Variants in ZNF69 observed in about 807,000 individuals in gnomAD.
ZNF69 encodes ZNF3.
Under a neutral mutation model 50.9 loss-of-function variants are expected in ZNF69, and 47 were observed. That is an observed-to-expected ratio of 0.92 (90% CI 0.73 to 1.18). The LOEUF is 1.18. Among genes scored for constraint, ZNF69 ranks in the 50% most tolerant of loss-of-function variants. The pLI is 0.00. For synonymous variants in ZNF69, 216 were observed against 223.1 expected (o/e 0.97, Z 0.29); for missense variants, 717 against 675.1 (o/e 1.06, Z -0.69).
At chr19:11,979,678 G>C in the ZNF69 span, 1 of 1,572,004 alleles carries the variant, frequency 6.4e-7, no homozygotes, top group Non-Finnish European at 8.7e-7. Context: ...TCCTTCAAAT[G>C]CATGCTGGGA....
At chr19:11,977,426 C>T in the ZNF69 span, 2 of 1,613,790 alleles carry the variant, frequency 1.2e-6, no homozygotes, top group Admixed American at 1.7e-5. Context: ...CCAGGAGAAA[C>T]TTCAGGTAAT....
chr19:11,974,126 T>TTTCTTTCCTTTC, the ZNF69 span, among the ~76,000 whole-genome samples: 1 of 55,028 alleles, frequency 1.8e-5, no homozygotes, highest in Non-Finnish European at 4.1e-5. Context: ...TCTTTCTTTC[T>TTTCTTTCCTTTC]TTTCTTTCTT....
intron 1 of ZNF69, among the ~76,000 whole-genome samples, chr19:11,889,829 G>T (rs1204421006): frequency 6.6e-6 from 1 of 152,200 alleles, no homozygotes. Flanking sequence ...GGCGAGGGGA[G>T]TGTGGCAGGA....
the ZNF69 span, chr19:11,978,477 T>A: frequency 6.2e-7 from 1 of 1,614,186 alleles, no homozygotes; most frequent in Non-Finnish European, 8.5e-7. Flanking sequence ...TATTTCCCAT[T>A]CAGGCATTCG....
At chr19:11,952,956 C>T in the ZNF69 span, 1,916 of 152,308 alleles carry the variant, frequency 0.013, 22 homozygotes, top group South Asian at 0.024. Context: ...TGCCTGTAAT[C>T]GCAGCTACTC....
the ZNF69 span, among the ~76,000 whole-genome samples, chr19:11,975,194 G>A: frequency 2.0e-5 from 3 of 151,728 alleles, no homozygotes; most frequent in Non-Finnish European, 4.4e-5. Flanking sequence ...CGCCTCCCGG[G>A]TTCAAGCGAT....
chr19:11,965,130 T>G, the ZNF69 span: 1 of 1,602,802 alleles, frequency 6.2e-7, no homozygotes. Flanking sequence ...CAGGTTTCTA[T>G]CGCTCTGTCT....
the ZNF69 span, among the ~76,000 whole-genome samples, chr19:11,961,273 G>A: frequency 6.6e-6 from 1 of 152,168 alleles, no homozygotes; most frequent in African/African-American, 2.4e-5. Context: ...TGAGGACAAA[G>A]CAAGAAGGCA....
the ZNF69 span, among the ~76,000 whole-genome samples, chr19:11,966,101 C>G: frequency 6.6e-5 from 10 of 152,166 alleles, no homozygotes; most frequent in African/African-American, 2.4e-4. Flanking sequence ...TTATGAATTC[C>G]AAGGCATGAC....
the ZNF69 span, chr19:11,950,511 T>TA: frequency 1.7e-6 from 1 of 582,440 alleles, no homozygotes; most frequent in Non-Finnish European, 3.2e-6. Context: ...TGAAAGGACT[T>TA]ACACTGGAGT....
the ZNF69 span, chr19:11,953,367 G>A: frequency 6.6e-6 from 1 of 152,276 alleles, no homozygotes; most frequent in Non-Finnish European, 1.5e-5. Context: ...AGCCCAAGGA[G>A]CAACCCAAAG....
At chr19:11,890,370 C>A (rs1234978108) in intron 1 of ZNF69, among the ~76,000 whole-genome samples, 1 of 152,202 alleles carries the variant, frequency 6.6e-6, no homozygotes, top group Non-Finnish European at 1.5e-5. Flanking sequence ...TGACTTTTAC[C>A]AAGCATACTG....
chr19:11,944,041 T>C, the ZNF69 span, among the ~76,000 whole-genome samples: 1,246 of 152,268 alleles, frequency 8.2e-3, 14 homozygotes, highest in African/African-American at 0.029. Flanking sequence ...TGTGGTCCCT[T>C]CCACCATGGG....
intron 4 of ZNF69, among the ~76,000 whole-genome samples, chr19:11,912,929 C>T (rs279227): frequency 0.27 from 40,692 of 152,122 alleles, 5,902 homozygotes; most frequent in African/African-American, 0.33. Context: ...AGGCCGGGTG[C>T]GGTGGCTTAT....
At chr19:11,949,518 C>T in the ZNF69 span, 1 of 1,610,746 alleles carries the variant, frequency 6.2e-7, no homozygotes, top group Non-Finnish European at 8.5e-7. Context: ...CAGAAAAACA[C>T]ATAAGAATGC....
chr19:11,933,923 A>G, the ZNF69 span, among the ~76,000 whole-genome samples: 2 of 146,914 alleles, frequency 1.4e-5, 1 homozygote, highest in African/African-American at 5.4e-5. Context: ...TGATCCTCCC[A>G]CCTCAGCTTC....
At chr19:11,911,963 T>G (rs1019419778) in intron 4 of ZNF69, among the ~76,000 whole-genome samples, 3 of 151,266 alleles carry the variant, frequency 2.0e-5, no homozygotes, top group Non-Finnish European at 2.9e-5. Flanking sequence ...AGCAATGTGG[T>G]AAAGCCTTTG....
the ZNF69 span, chr19:11,965,055 T>C: frequency 1.1e-6 from 1 of 937,130 alleles, no homozygotes. Flanking sequence ...CTCACCTTTG[T>C]CCTTGCGCAG....
chr19:11,938,138 G>A, the ZNF69 span, among the ~76,000 whole-genome samples: 3 of 151,578 alleles, frequency 2.0e-5, no homozygotes, highest in Admixed American at 6.6e-5. Context: ...GCATGATCTT[G>A]GCTCACTGCA....
Sources: gnomAD v4.1 joint callset for allele counts (sites outside exome capture counted in the v4.1 genomes callset) on GRCh38, gnomAD v4.1.1 for gene constraint, MANE v1.5 for transcripts, NCBI Gene and HGNC (gene_info 2026-07-23, HGNC 2026-07-21) for gene names.